Variants in TRIM37 observed in about 807,000 individuals in gnomAD.
TRIM37 encodes the protein tripartite motif containing 37.
Under a neutral mutation model 129.8 loss-of-function variants are expected in TRIM37, and 80 were observed. That is an observed-to-expected ratio of 0.62 (90% CI 0.51 to 0.74). TRIM37 has a LOEUF of 0.74. Among genes scored for constraint, TRIM37 ranks in the 30% least tolerant of loss-of-function variants. The pLI is 0.00. For synonymous variants in TRIM37, 389 were observed against 387.1 expected, an observed-to-expected ratio of 1.00 and a Z score of -0.06; for missense variants, 1,054 against 1,176.5, an observed-to-expected ratio of 0.90 and a Z score of 1.52.
At chr17:59,075,764 G>T in intron 7 of TRIM37, 50 bp from the exon 8 acceptor site, 3 of 1,354,880 alleles carry the variant, frequency 2.2e-6, no homozygotes, top group Non-Finnish European at 3.2e-6. Flanking sequence ...ATTGGTTTAA[G>T]AATGAAATTA....
chr17:59,075,710 C>T lies in TRIM37; in HGVS notation c.621G>A (p.Gln207=), dbSNP rs1391458234. Residue 207 remains glutamine (Q), a synonymous_variant, in exon 8 of 24, where the codon CAG becomes CAA. Coordinates refer to ENST00000262294, the MANE Select transcript of TRIM37 (RefSeq NM_015294.6). ...LKNKLITLMG[Q]KTSLTQETEL... is the part of the protein sequence containing the mutation. ...CTGTTTCTTGGGTTAGAGATGTCTT[C>T]TGACCTGATGAAAAATAGTGAATCA... The T allele has an allele frequency of 1.2e-6, 2 of 1,609,732 alleles. No individual in the cohort carries two copies. The highest frequency in any genetic ancestry group is 2.2e-4 in the Middle Eastern group (1 of 4,526).
At chr17:58,981,652 T>C (rs1830412975), downstream of TRIM37, 1 of 152,638 alleles carries the variant, frequency 6.6e-6, no homozygotes. Context: ...GATTTACGGA[T>C]TTTTTTCCTG....
downstream of TRIM37, chr17:58,980,633 G>A (rs769256860): frequency 1.2e-6 from 2 of 1,614,174 alleles, no homozygotes; most frequent in Middle Eastern, 1.6e-4. The surrounding 1 kb of genome is among the most constrained non-coding windows in gnomAD (Gnocchi z 4.7). Flanking sequence ...GAGTGGTGCT[G>A]GAGAGTTTCC....
At chr17:59,003,124 G>A (rs1033090671) in intron 22 of TRIM37, among the ~76,000 whole-genome samples, 3 of 152,156 alleles carry the variant, frequency 2.0e-5, no homozygotes, top group Admixed American at 1.3e-4. Context: ...TGATTCACCC[G>A]CTTTGGCCTC....
chr17:59,081,964 A>AAAAATAATAATAAT (rs1568200247), intron 5 of TRIM37, among the ~76,000 whole-genome samples: 1 of 87,228 alleles, frequency 1.1e-5, no homozygotes, highest in African/African-American at 5.1e-5. Context: ...AAAAAAAAAA[A>AAAAATAATAATAAT]AATAATAATA....
intron 20 of TRIM37, among the ~76,000 whole-genome samples, chr17:59,016,786 GA>G (rs1360745082): frequency 6.6e-6 from 1 of 151,720 alleles, no homozygotes; most frequent in Non-Finnish European, 1.5e-5. Flanking sequence ...TCTGTCTCAG[GA>G]AAACAACAAA....
chr17:58,996,432 T>TG (rs2033002772), downstream of TRIM37, among the ~76,000 whole-genome samples: 1 of 147,382 alleles, frequency 6.8e-6, no homozygotes, highest in South Asian at 2.1e-4. Flanking sequence ...ATCATGCCAC[T>TG]GCACTCCAGC....
chr17:58,995,264 CTAA>C (rs1436238975), downstream of TRIM37, among the ~76,000 whole-genome samples: 1 of 152,004 alleles, frequency 6.6e-6, no homozygotes, highest in African/African-American at 2.4e-5. Flanking sequence ...CAGTGACAGT[CTAA>C]TAATAATAAA....
chr17:58,969,719 G>A, the TRIM37 span: 1 of 1,614,130 alleles, frequency 6.2e-7, no homozygotes. Context: ...GCAGAAAGCA[G>A]CCAGGGAGGT....
chr17:59,063,372 G>T (rs769053200), intron 10 of TRIM37, among the ~76,000 whole-genome samples: 5 of 152,076 alleles, frequency 3.3e-5, no homozygotes, highest in Non-Finnish European at 7.4e-5. Flanking sequence ...TAGAGACGGG[G>T]TTTACCATGT....
At chr17:59,004,464 A>C (rs1002943696) in intron 22 of TRIM37, among the ~76,000 whole-genome samples, 43 of 152,196 alleles carry the variant, frequency 2.8e-4, no homozygotes, top group African/African-American at 1.0e-3. Context: ...AAACATAATA[A>C]AATCAGCAGA....
intron 21 of TRIM37, among the ~76,000 whole-genome samples, chr17:59,014,669 T>A (rs898264826): frequency 6.8e-6 from 1 of 146,780 alleles, no homozygotes; most frequent in Admixed American, 6.9e-5. Context: ...CTGTGACACA[T>A]AATATAGCCC....
rs1555656622 is a variant in TRIM37, at chr17:59,036,447, G to GGGGTGT, written c.1754-4358_1754-4357insACACCC. ...AAAAATCTAGTTTGTATTTGCTGGG[G>GGGGTGT]GTGTGTGTGTGTGTGTGTGTGTGTG... On this transcript the variant is annotated intron_variant, in intron 17 of 23. Transcript: ENST00000262294. 4.2e-3 allele frequency among the ~76,000 whole-genome samples: 595 copies of GGGGTGT among 140,672 alleles called. 7 individuals are homozygous for GGGGTGT. Among genetic ancestry groups the GGGGTGT allele is most frequent in the African/African-American group, 0.015 (540 of 36,478 alleles). The allele number at this position is 140,672 out of a possible 152,430, so 92.3% of individuals were successfully genotyped here.
chr17:58,969,836 C>T, the TRIM37 span: 1 of 1,025,288 alleles, frequency 9.8e-7, no homozygotes. Flanking sequence ...AGACATTATC[C>T]AAACTGTATT....
intron 3 of TRIM37, among the ~76,000 whole-genome samples, chr17:59,090,734 T>A (rs2044220809): frequency 6.6e-6 from 1 of 152,076 alleles, no homozygotes; most frequent in African/African-American, 2.4e-5. Flanking sequence ...CAAGCAATTC[T>A]CATGCTTCAG....
chr17:59,025,269 AAGTT>A (rs2037106878), intron 19 of TRIM37, among the ~76,000 whole-genome samples: 2 of 152,130 alleles, frequency 1.3e-5, no homozygotes, highest in African/African-American at 2.4e-5. Flanking sequence ...ATATGTAAAA[AAGTT>A]AGAAAACAAA....
rs746826852 is a variant in TRIM37, at chr17:59,001,656, A to G, written c.2754T>C (p.His918=). 28 of 1,613,956 alleles carry G rather than the reference A, an allele frequency of 1.7e-5. No homozygotes were observed. In the South Asian group the frequency reaches 2.7e-4, roughly 16 times the overall value. The change falls in exon 23 of 24, where the codon CAT becomes CAC. Residue 918 remains histidine (H), a synonymous_variant. Coordinates refer to ENST00000262294, the MANE Select transcript of TRIM37 (RefSeq NM_015294.6). ...AGTCGTGAAACCCGCCCACACTGGT[A>G]TGCTCTTCCTGCTCCTCATTCTCAG... ...CDTENEEQEE[H]TSVGGFHDSF...
intron 24 of TRIM37, among the ~76,000 whole-genome samples, chr17:58,988,886 A>T (rs1000211984): frequency 2.0e-5 from 3 of 152,308 alleles, no homozygotes; most frequent in Admixed American, 2.0e-4. Flanking sequence ...ATTGGCATAA[A>T]AGTAATTTTG....
At chr17:59,060,691 G>A (rs2041404029) in intron 12 of TRIM37, among the ~76,000 whole-genome samples, 1 of 152,190 alleles carries the variant, frequency 6.6e-6, no homozygotes, top group African/African-American at 2.4e-5. Flanking sequence ...TATAAAATTA[G>A]ATGTTGGTGA....
Sources: allele counts gnomAD v4.1 joint callset (sites outside exome capture counted in the v4.1 genomes callset), GRCh38; gene constraint gnomAD v4.1.1; non-coding constraint Gnocchi (gnomAD v3.1); transcripts MANE v1.5; gene names NCBI Gene and HGNC (gene_info 2026-07-23, HGNC 2026-07-21).